ATP10B: variants seen among roughly 807,000 people sequenced by gnomAD.
ATP10B encodes the protein ATPase phospholipid transporting 10B (putative).
ATP10B carries 122 observed loss-of-function variants against 141.2 expected under a neutral mutation model. The observed-to-expected ratio is 0.86, with a 90% CI of 0.75 to 1.00. ATP10B has a LOEUF of 1.00. Among genes scored for constraint, ATP10B ranks in the 50% least tolerant of loss-of-function variants. ATP10B has a pLI of 0.00. For synonymous variants in ATP10B, 685 were observed against 692.0 expected (o/e 0.99, Z 0.16); for missense variants, 1,876 against 1,825.3 (o/e 1.03, Z -0.51).
At chr5:160,621,016 T>G in intron 14 of ATP10B, 66 bp from the exon 15 acceptor site, 2 of 1,525,708 alleles carry the variant, frequency 1.3e-6, no homozygotes, top group Non-Finnish European at 8.8e-7. Flanking sequence ...AGTTGTCTTA[T>G]GCGGAATATG....
intron 23 of ATP10B, among the ~76,000 whole-genome samples, chr5:160,590,191 G>A (rs769605788): frequency 3.4e-4 from 51 of 152,202 alleles, no homozygotes; most frequent in Non-Finnish European, 5.6e-4. Context: ...AGGTCAGAAC[G>A]GAGGGTGAAC....
At chr5:160,827,204 T>C (rs2127971247) in intron 1 of ATP10B, among the ~76,000 whole-genome samples, 1 of 152,328 alleles carries the variant, frequency 6.6e-6, no homozygotes, top group Middle Eastern at 3.4e-3. Context: ...GTAAAATTCC[T>C]CTCTTTGTAC....
intron 2 of ATP10B, among the ~76,000 whole-genome samples, chr5:160,766,337 AAC>A (rs58890049): frequency 0.058 from 8,139 of 140,226 alleles, 239 homozygotes; most frequent in East Asian, 0.081. Flanking sequence ...GGATAAAGAG[AAC>A]ACACACACAC....
At chr5:160,822,995 T>C (rs1487466628) in intron 1 of ATP10B, among the ~76,000 whole-genome samples, 19 of 76,522 alleles carry the variant, frequency 2.5e-4, no homozygotes, top group Non-Finnish European at 3.6e-4. Context: ...TATACATATA[T>C]ATATACATAT....
intron 2 of ATP10B, among the ~76,000 whole-genome samples, chr5:160,769,179 A>T (rs189622894): frequency 6.6e-6 from 1 of 152,294 alleles, no homozygotes; most frequent in African/African-American, 2.4e-5. Flanking sequence ...AATCCTTGGC[A>T]AATTCCATTG....
intron 2 of ATP10B, among the ~76,000 whole-genome samples, chr5:160,764,836 T>C (rs914549721): frequency 6.6e-6 from 1 of 152,196 alleles, no homozygotes; most frequent in African/African-American, 2.4e-5. Context: ...AAAAAGTTCC[T>C]AGATCTGATA....
chr5:160,841,374 A>T (rs1190726795), intron 1 of ATP10B, among the ~76,000 whole-genome samples: 1 of 152,182 alleles, frequency 6.6e-6, no homozygotes, highest in Non-Finnish European at 1.5e-5. Flanking sequence ...ATATGTGTAC[A>T]TCTACTTATC....
chr5:160,597,499 T>C (rs1756790495), intron 22 of ATP10B, among the ~76,000 whole-genome samples: 1 of 152,150 alleles, frequency 6.6e-6, no homozygotes. Context: ...GGACTTCATG[T>C]CTAAAACACC....
upstream of ATP10B, among the ~76,000 whole-genome samples, chr5:160,854,066 C>T (rs1357228655): frequency 6.6e-6 from 1 of 152,090 alleles, no homozygotes; most frequent in African/African-American, 2.4e-5. Flanking sequence ...ATTAAAGAAG[C>T]AATGGTAGAC....
In ATP10B at chr5:160,595,548, G is replaced by C. The variant is rs577309263; in HGVS notation, c.3564+3222C>G. ...GCAAGAAATAACTAAGATCAGAGCA[G>C]AACTGAAGGAAAGAGAGACACAAAA... is the stretch of plus-strand genomic sequence containing the variant. On this transcript the variant is annotated intron_variant, in intron 22 of 25. Coordinates refer to ENST00000327245, the MANE Select transcript of ATP10B (RefSeq NM_025153.3). Among the ~76,000 whole-genome samples, 204 of 152,272 alleles carry C rather than the reference G, an allele frequency of 1.3e-3. 1 individual carries two copies. Among genetic ancestry groups the C allele is most frequent in the African/African-American group, 3.7e-3 (154 of 41,536 alleles).
intron 11 of ATP10B, 73 bp downstream of exon 11, chr5:160,636,109 T>C: frequency 1.3e-6 from 2 of 1,488,000 alleles, no homozygotes; most frequent in Non-Finnish European, 1.8e-6. Flanking sequence ...CACTGTTTTT[T>C]CTTTATTTTA....
At chr5:160,810,555 G>A (rs1455548218) in intron 1 of ATP10B, among the ~76,000 whole-genome samples, 1 of 152,002 alleles carries the variant, frequency 6.6e-6, no homozygotes, top group East Asian at 1.9e-4. Flanking sequence ...TGGGTGGTGG[G>A]TTCTCTGTGT....
chr5:160,898,283 G>C, the ATP10B span, among the ~76,000 whole-genome samples: 1 of 151,694 alleles, frequency 6.6e-6, no homozygotes, highest in African/African-American at 2.4e-5. Flanking sequence ...GAATCTACAA[G>C]AAACAAACAA....
chr5:160,630,401 G>C (rs895152756), intron 13 of ATP10B, among the ~76,000 whole-genome samples: 2 of 152,182 alleles, frequency 1.3e-5, no homozygotes, highest in African/African-American at 4.8e-5. Context: ...GCTGAGACTT[G>C]TCAGACTGAA....
chr5:160,636,102 T>C, intron 11 of ATP10B, 80 bp downstream of exon 11: 1 of 1,464,702 alleles, frequency 6.8e-7, no homozygotes, highest in Non-Finnish European at 9.1e-7. Flanking sequence ...TGGCCAGCAC[T>C]GTTTTTTCTT....
intron 1 of ATP10B, among the ~76,000 whole-genome samples, chr5:160,801,260 C>G (rs949207383): frequency 6.6e-6 from 1 of 152,196 alleles, no homozygotes. Flanking sequence ...CTGTCCCTCT[C>G]TGCAACTTAT....
intron 2 of ATP10B, among the ~76,000 whole-genome samples, chr5:160,740,836 T>C (rs1767415854): frequency 6.6e-6 from 1 of 152,206 alleles, no homozygotes. Flanking sequence ...GGCGGAATTC[T>C]TTGGATCTTT....
At chr5:160,642,476 C>G (rs1023175297) in intron 9 of ATP10B, among the ~76,000 whole-genome samples, 4 of 152,152 alleles carry the variant, frequency 2.6e-5, no homozygotes, top group Non-Finnish European at 5.9e-5. Flanking sequence ...AGTGATTTTA[C>G]TCCCCAGAGG....
At chr5:160,764,977 A>G (rs1212210288) in intron 2 of ATP10B, among the ~76,000 whole-genome samples, 1 of 152,054 alleles carries the variant, frequency 6.6e-6, no homozygotes, top group Admixed American at 6.6e-5. Context: ...GCAAAAAATA[A>G]AAAATAAAGT....
Sources: gnomAD v4.1 joint callset for allele counts (sites outside exome capture counted in the v4.1 genomes callset) on GRCh38, gnomAD v4.1.1 for gene constraint, MANE v1.5 for transcripts, NCBI Gene and HGNC (gene_info 2026-07-23, HGNC 2026-07-21) for gene names.